Variants in DMD observed in about 807,000 individuals in gnomAD.
DMD encodes the protein dystrophin, also known as mutant dystrophin.
DMD carries 63 observed loss-of-function variants against 330.1 expected under a neutral mutation model. The observed-to-expected ratio is 0.19, with a 90% CI of 0.16 to 0.24. The LOEUF (loss-of-function observed/expected upper bound fraction) is 0.24. Among genes scored for constraint, DMD ranks in the 10% least tolerant of loss-of-function variants. The probability of loss-of-function intolerance (pLI) is 1.00; values close to 1 mark genes in which losing one functional copy is unlikely to be tolerated. For synonymous variants in DMD, 1,223 were observed against 959.8 expected, an observed-to-expected ratio of 1.27 and a Z score of -5.07; for missense variants, 3,344 against 2,684.1, an observed-to-expected ratio of 1.25 and a Z score of -5.43.
chrX:33,217,430 G>A (rs1012556451), intron 1 of DMD, among the ~76,000 whole-genome samples: 62 of 111,084 alleles, frequency 5.6e-4, no homozygotes, highest in Non-Finnish European at 1.0e-3. Flanking sequence ...ATATATCTCC[G>A]TTTATTTAAG....
At chrX:31,688,083 C>T (rs1217610824) in intron 52 of DMD, among the ~76,000 whole-genome samples, 2 of 109,683 alleles carry the variant, frequency 1.8e-5, no homozygotes, top group Non-Finnish European at 3.8e-5. Flanking sequence ...AAATACACAG[C>T]CAGAGAAGAC....
In DMD at chrX:33,086,304, C is replaced by T. The variant is rs1176837819; in HGVS notation, c.32-66104G>A. Among the ~76,000 whole-genome samples the T allele has an allele frequency of 3.6e-5, 4 of 111,913 alleles. No homozygotes were observed. The East Asian group carries it at 8.4e-4, about 24-fold the overall frequency. ...ATGCTAAGGCACAAATATCAAATCTCTTTCCCATGAAAATCAGATAATTTA... is the reference window on the plus strand; with the variant it reads ...ATGCTAAGGCACAAATATCAAATCTTTTTCCCATGAAAATCAGATAATTTA... On this transcript the variant is annotated intron_variant, in intron 1 of 78. Coordinates refer to ENST00000357033, the MANE Select transcript of DMD (RefSeq NM_004006.3).
chrX:32,286,113 A>G (rs983410874), intron 43 of DMD, among the ~76,000 whole-genome samples: 1 of 111,131 alleles, frequency 9.0e-6, no homozygotes, highest in Non-Finnish European at 1.9e-5. Context: ...GCTCAGCACT[A>G]TATCAGTCCT....
chrX:33,211,176 T>C, intron 1 of DMD, 106 bp downstream of exon 1: 1 of 961,873 alleles, frequency 1.0e-6, no homozygotes. Context: ...TATGCTTCTT[T>C]GCAAACTACT....
chrX:31,850,124 C>T (rs2093497037), intron 48 of DMD, among the ~76,000 whole-genome samples: 1 of 111,193 alleles, frequency 9.0e-6, no homozygotes, highest in Non-Finnish European at 1.9e-5. Context: ...TTAGCTCCCA[C>T]TCATAACTTA....
intron 50 of DMD, among the ~76,000 whole-genome samples, chrX:31,780,609 C>T (rs888211033): frequency 4.5e-5 from 5 of 111,697 alleles, no homozygotes; most frequent in African/African-American, 9.7e-5. Flanking sequence ...TAATGAATTC[C>T]GTAAGAATTC....
At chrX:32,937,466 G>T (rs1223494052) in intron 2 of DMD, among the ~76,000 whole-genome samples, 2 of 105,488 alleles carry the variant, frequency 1.9e-5, no homozygotes, top group Non-Finnish European at 3.9e-5. Flanking sequence ...AAGAGGGAAA[G>T]AATTTATGCA....
At chrX:32,650,065 G>A (rs773290900) in intron 9 of DMD, among the ~76,000 whole-genome samples, 12 of 111,020 alleles carry the variant, frequency 1.1e-4, no homozygotes, top group African/African-American at 3.9e-4. Context: ...GCATGATTTG[G>A]GCAATTCAAA....
At chrX:32,947,061 C>T (rs868656545) in intron 2 of DMD, among the ~76,000 whole-genome samples, 3 of 112,176 alleles carry the variant, frequency 2.7e-5, no homozygotes, top group Non-Finnish European at 3.8e-5. Flanking sequence ...AGTAAACAAG[C>T]TAATCCTAGT....
chrX:31,460,401 A>T (rs1227121092), intron 59 of DMD, among the ~76,000 whole-genome samples: 1 of 112,055 alleles, frequency 8.9e-6, no homozygotes, highest in Admixed American at 9.5e-5. Context: ...TAGCAAGTAG[A>T]TTTTACTTAA....
intron 7 of DMD, among the ~76,000 whole-genome samples, chrX:32,768,371 T>C (rs949534794): frequency 1.7e-4 from 19 of 111,820 alleles, no homozygotes; most frequent in Admixed American, 9.5e-5. Context: ...TACCGTTAGA[T>C]ATTTCTGATA....
At chrX:31,564,779 C>T (rs5927018) in intron 55 of DMD, among the ~76,000 whole-genome samples, 38,242 of 110,697 alleles carry the variant, frequency 0.35, 5,053 homozygotes, top group African/African-American at 0.46. Flanking sequence ...TAGACATAGA[C>T]CTCTATCTTT....
chrX:32,343,368 T>G (rs2097753858), intron 39 of DMD, 82 bp from the exon 40 acceptor site: 1 of 897,187 alleles, frequency 1.1e-6, no homozygotes, highest in African/African-American at 2.0e-5. Flanking sequence ...CAAAATAATT[T>G]GCGTCCCTCA....
At chrX:32,722,673 C>G (rs1416371517) in intron 7 of DMD, among the ~76,000 whole-genome samples, 2 of 110,890 alleles carry the variant, frequency 1.8e-5, no homozygotes, top group African/African-American at 6.5e-5. Context: ...TCACTTTCTT[C>G]TTTAAATTGG....
intron 36 of DMD, among the ~76,000 whole-genome samples, chrX:32,364,100 T>C (rs750610105): frequency 8.9e-6 from 1 of 111,973 alleles, no homozygotes; most frequent in South Asian, 3.7e-4. Context: ...CTAGTTTACA[T>C]GTAGTTAAAA....
chrX:33,229,022 A>G (rs1462361043), intron 1 of DMD, among the ~76,000 whole-genome samples: 2 of 110,832 alleles, frequency 1.8e-5, no homozygotes, highest in Admixed American at 9.7e-5. Context: ...CTATTCAGTA[A>G]AATGTCTCTT....
intron 2 of DMD, among the ~76,000 whole-genome samples, chrX:32,907,300 C>T (rs889251916): frequency 1.1e-4 from 12 of 111,972 alleles, no homozygotes; most frequent in Middle Eastern, 4.2e-3. Flanking sequence ...AGGTTTCATA[C>T]GAAATTCATT....
chrX:32,967,543 G>C (rs905587454), intron 2 of DMD, among the ~76,000 whole-genome samples: 1 of 111,131 alleles, frequency 9.0e-6, no homozygotes, highest in Non-Finnish European at 1.9e-5. Flanking sequence ...AATGCTGCTT[G>C]GGTCTTCAAT....
chrX:31,951,970 TA>T (rs746705015), intron 45 of DMD, among the ~76,000 whole-genome samples: 2 of 111,333 alleles, frequency 1.8e-5, no homozygotes, highest in South Asian at 7.5e-4. Context: ...AGTTTTGTTT[TA>T]TGCGGAATTC....
Sources: allele counts gnomAD v4.1 joint callset (sites outside exome capture counted in the v4.1 genomes callset), GRCh38; gene constraint gnomAD v4.1.1; transcripts MANE v1.5; gene names NCBI Gene and HGNC (gene_info 2026-07-23, HGNC 2026-07-21).